Variants in ZNF385D observed in about 807,000 individuals in gnomAD.
ZNF385D encodes zinc finger protein 385D.
A neutral mutation model predicts 35.8 loss-of-function variants in ZNF385D; 15 were observed. The ratio of observed to expected loss-of-function variants is 0.42; its 90% CI spans 0.28 to 0.64. The LOEUF is 0.64. Among genes scored for constraint, ZNF385D ranks in the 30% least tolerant of loss-of-function variants. The pLI, the probability that ZNF385D is intolerant of heterozygous loss-of-function variation, is 0.23. For synonymous variants in ZNF385D, 212 were observed against 186.8 expected (o/e 1.13, Z -1.10); for missense variants, 474 against 494.6 (o/e 0.96, Z 0.39).
intron 3 of ZNF385D, among the ~76,000 whole-genome samples, chr3:21,821,073 G>C (rs1166624490): frequency 6.6e-6 from 1 of 151,872 alleles, no homozygotes; most frequent in Non-Finnish European, 1.5e-5. Flanking sequence ...TTTTTCAGGG[G>C]TGTTTTACCA....
intron 3 of ZNF385D, among the ~76,000 whole-genome samples, chr3:21,823,010 A>G (rs1381650167): frequency 6.6e-6 from 1 of 152,226 alleles, no homozygotes; most frequent in Non-Finnish European, 1.5e-5. Context: ...GATGCAATCA[A>G]AACAGTAATA....
At chr3:21,692,529 A>C (rs779704219) in intron 1 of ZNF385D, among the ~76,000 whole-genome samples, 12 of 152,174 alleles carry the variant, frequency 7.9e-5, no homozygotes, top group Non-Finnish European at 1.6e-4. Flanking sequence ...ATGATGTCCT[A>C]AGTGCTTCTC....
At chr3:21,483,014 T>G (rs1395232570) in intron 4 of ZNF385D, among the ~76,000 whole-genome samples, 5 of 152,164 alleles carry the variant, frequency 3.3e-5, no homozygotes, top group Admixed American at 1.3e-4. Flanking sequence ...TTTTACCAGC[T>G]TTAACATGTA....
intron 2 of ZNF385D, among the ~76,000 whole-genome samples, chr3:22,361,965 T>C (rs1231867384): frequency 1.3e-5 from 2 of 151,832 alleles, no homozygotes; most frequent in African/African-American, 4.8e-5. Flanking sequence ...AACATTTTGC[T>C]CTAAATAGAC....
intron 3 of ZNF385D, among the ~76,000 whole-genome samples, chr3:21,906,834 A>T (rs1699708239): frequency 6.6e-6 from 1 of 152,102 alleles, no homozygotes; most frequent in Non-Finnish European, 1.5e-5. Context: ...AAGAAGACAC[A>T]CTTCAAGGTC....
Position 21,418,734 on chromosome 3 carries a change from T to C in ZNF385D, c.*2480A>G, listed in dbSNP as rs1700616077. The C allele has an allele frequency of 6.6e-6, 1 of 152,338 alleles. No homozygotes were observed. The highest frequency in any genetic ancestry group is 1.9e-4 in the East Asian group (1 of 5,186). The allele number at this position is 152,338 out of a possible 1,614,324, so 9.4% of individuals were successfully genotyped here. On this transcript the variant is annotated 3_prime_UTR_variant, in exon 8 of 8. Transcript: ENST00000281523. ...AAAGAACAGCAAAAGCACGTTTTAGTGAGACTGCTTTAATTAACACTAAGT... is the reference window on the plus strand; with the variant it reads ...AAAGAACAGCAAAAGCACGTTTTAGCGAGACTGCTTTAATTAACACTAAGT...
At chr3:21,544,068 T>G (rs532241823) in intron 3 of ZNF385D, among the ~76,000 whole-genome samples, 1 of 152,336 alleles carries the variant, frequency 6.6e-6, no homozygotes, top group South Asian at 2.1e-4. Flanking sequence ...GACAAGCACT[T>G]GGATCTAATA....
intron 4 of ZNF385D, among the ~76,000 whole-genome samples, chr3:21,450,401 T>C (rs892955131): frequency 1.3e-5 from 2 of 152,172 alleles, no homozygotes; most frequent in Non-Finnish European, 2.9e-5. Flanking sequence ...AAGAAATGTA[T>C]GTATGTATTT....
chr3:21,753,007 T>C (rs937257479), upstream of ZNF385D, among the ~76,000 whole-genome samples: 6 of 152,118 alleles, frequency 3.9e-5, no homozygotes, highest in Admixed American at 3.3e-4. Context: ...GTTCCTGTAG[T>C]TGGAAGATGC....
intron 2 of ZNF385D, among the ~76,000 whole-genome samples, chr3:21,612,127 G>A (rs2064699817): frequency 1.3e-5 from 2 of 152,128 alleles, no homozygotes; most frequent in Admixed American, 6.5e-5. Flanking sequence ...AGCCCAGCCT[G>A]GAGTGCAGTA....
intron 3 of ZNF385D, among the ~76,000 whole-genome samples, chr3:21,931,267 T>C (rs984108882): frequency 2.6e-5 from 4 of 152,162 alleles, no homozygotes; most frequent in African/African-American, 9.7e-5. Flanking sequence ...CCACTAGGAA[T>C]GCCTATAATA....
chr3:22,144,080 T>C (rs1235522030), intron 3 of ZNF385D, among the ~76,000 whole-genome samples: 1 of 152,188 alleles, frequency 6.6e-6, no homozygotes, highest in Non-Finnish European at 1.5e-5. Flanking sequence ...TATAATGTTT[T>C]ATAAAAGAAT....
chr3:21,723,638 T>C (rs912392558), intron 1 of ZNF385D, among the ~76,000 whole-genome samples: 1 of 151,954 alleles, frequency 6.6e-6, no homozygotes, highest in East Asian at 1.9e-4. Flanking sequence ...CTCCAAGAAA[T>C]ATGGGACTAT....
chr3:22,045,252 T>G (rs1006197312), intron 3 of ZNF385D, among the ~76,000 whole-genome samples: 1 of 152,128 alleles, frequency 6.6e-6, no homozygotes, highest in African/African-American at 2.4e-5. Flanking sequence ...TTTGATCCAT[T>G]TGAGTTGATT....
chr3:21,491,925 A>T (rs1171849686), intron 4 of ZNF385D, among the ~76,000 whole-genome samples: 1 of 152,122 alleles, frequency 6.6e-6, no homozygotes, highest in Non-Finnish European at 1.5e-5. Flanking sequence ...TGCACACTAA[A>T]GGTAAAGCTA....
intron 3 of ZNF385D, among the ~76,000 whole-genome samples, chr3:22,088,813 C>T (rs1701174849): frequency 6.6e-6 from 1 of 152,018 alleles, no homozygotes. Context: ...ATCCAGAAAA[C>T]AGTGACCAAT....
intron 2 of ZNF385D, among the ~76,000 whole-genome samples, chr3:22,304,073 G>C (rs1703071401): frequency 6.6e-6 from 1 of 152,120 alleles, no homozygotes; most frequent in Admixed American, 6.6e-5. Context: ...ACCATGCCTG[G>C]TCTCTGTTTC....
At chr3:21,774,313 C>G (rs1302679141) in intron 3 of ZNF385D, among the ~76,000 whole-genome samples, 2 of 138,904 alleles carry the variant, frequency 1.4e-5, no homozygotes, top group African/African-American at 5.1e-5. Flanking sequence ...GGGAGAATAG[C>G]TAATGGATGC....
chr3:21,424,163 T>C (rs1183778261), intron 6 of ZNF385D, 99 bp from the exon 7 acceptor site: 2 of 1,103,886 alleles, frequency 1.8e-6, no homozygotes, highest in Non-Finnish European at 2.5e-6. Context: ...CATTATTTCA[T>C]GCAAGTTTCA....
Sources: gnomAD v4.1 joint callset for allele counts (sites outside exome capture counted in the v4.1 genomes callset) on GRCh38, gnomAD v4.1.1 for gene constraint, MANE v1.5 for transcripts, NCBI Gene and HGNC (gene_info 2026-07-23, HGNC 2026-07-21) for gene names.